Variants in RAB11FIP3 observed in about 807,000 individuals in gnomAD.
The protein encoded by RAB11FIP3 is rab11 family-interacting protein 3.
Under a neutral mutation model 77.8 loss-of-function variants are expected in RAB11FIP3, and 17 were observed. The observed-to-expected ratio is 0.22, with a 90% CI of 0.15 to 0.33. RAB11FIP3 has a LOEUF of 0.33. Among genes scored for constraint, RAB11FIP3 ranks in the 10% least tolerant of loss-of-function variants. The pLI, the probability that RAB11FIP3 is intolerant of heterozygous loss-of-function variation, is 1.00. For missense variants in RAB11FIP3, 1,005 were observed against 1,011.2 expected (o/e 0.99, Z 0.08); for synonymous variants, 437 against 448.2 (o/e 0.98, Z 0.31).
At chr16:475,751 G>A (rs2055892432) in intron 3 of RAB11FIP3, among the ~76,000 whole-genome samples, 1 of 152,182 alleles carries the variant, frequency 6.6e-6, no homozygotes, top group Non-Finnish European at 1.5e-5. Context: ...AGGGGTGGGT[G>A]CAGTCACCGA....
intron 1 of RAB11FIP3, among the ~76,000 whole-genome samples, chr16:455,092 T>C (rs1421490641): frequency 1.3e-5 from 2 of 150,186 alleles, no homozygotes; most frequent in African/African-American, 2.4e-5. Context: ...CTTTTTTTTT[T>C]TTTTCTTGGC....
At chr16:483,033 C>T (rs1029758290) in intron 4 of RAB11FIP3, among the ~76,000 whole-genome samples, 13 of 152,144 alleles carry the variant, frequency 8.5e-5, no homozygotes, top group African/African-American at 2.9e-4. Context: ...GTGAATGTCT[C>T]GGCAGGGTTT....
chr16:458,918 G>C (rs1897229119), intron 1 of RAB11FIP3, among the ~76,000 whole-genome samples: 2 of 152,228 alleles, frequency 1.3e-5, no homozygotes, highest in African/African-American at 4.8e-5. Flanking sequence ...TAGTGAAATG[G>C]TGCACTGGTA....
At chr16:515,576 G>A (rs2032369862) in intron 9 of RAB11FIP3, among the ~76,000 whole-genome samples, 2 of 151,758 alleles carry the variant, frequency 1.3e-5, no homozygotes, top group East Asian at 1.9e-4. Flanking sequence ...GACACGGACC[G>A]GTGTTTGCAT....
intron 1 of RAB11FIP3, among the ~76,000 whole-genome samples, chr16:451,032 C>G (rs1362800393): frequency 6.6e-6 from 1 of 152,074 alleles, no homozygotes; most frequent in African/African-American, 2.4e-5. Context: ...ATTTCCTCAT[C>G]ATGTTTGCTG....
At chr16:487,378 T>C (rs907143498) in intron 4 of RAB11FIP3, among the ~76,000 whole-genome samples, 6 of 152,136 alleles carry the variant, frequency 3.9e-5, no homozygotes, top group Non-Finnish European at 7.4e-5. Flanking sequence ...CGCCTCGGCC[T>C]CCCAAAGTGC....
intron 3 of RAB11FIP3, among the ~76,000 whole-genome samples, chr16:478,440 C>T (rs1404201458): frequency 1.3e-5 from 2 of 152,048 alleles, no homozygotes; most frequent in African/African-American, 4.8e-5. Flanking sequence ...ATCCACCCGC[C>T]TCGGCCTTCC....
In RAB11FIP3 at chr16:426,264, G is replaced by A. The variant is rs2141829764; in HGVS notation, c.258G>A (p.Gly86=). The change falls in exon 1 of 14, where the codon GGG becomes GGA. Residue 86 remains glycine (G), a synonymous_variant. Coordinates refer to ENST00000262305, the MANE Select transcript of RAB11FIP3 (RefSeq NM_014700.4). This position sits in a 1 kb window ranked among gnomAD's most constrained non-coding sequence, Gnocchi z 5.0. ...TGGAGGGAGGCCCGCGAGACCCCGG[G>A]CCGTCCGCCCCGCCGCCGCGCTCCG... ...PGLEGGPRDP[G]PSAPPPRSGP... is the part of the protein sequence containing the mutation. The A allele has an allele frequency of 8.5e-7, 1 of 1,181,100 alleles. No homozygotes were observed. 73.2% of individuals were successfully genotyped at this position (1,181,100 alleles called of 1,614,324 possible).
In RAB11FIP3 at chr16:519,822, G is replaced by C. The variant is rs779677948; in HGVS notation, c.1791G>C (p.Lys597Asn). The change falls in exon 11 of 14, where the codon AAG becomes AAC. Residue 597 changes from lysine to asparagine, a missense_variant. Physicochemically the swap from Lys to Asn is moderately conservative, Grantham distance 94 (BLOSUM62 0). Transcript: ENST00000262305. ...TLRLSEEQEN[K>N]RRMGDRLSHE... ...GGCTCAGTGAAGAGCAGGAGAACAA[G>C]AGGAGAATGGGGGACAGGCTGAGTC... 1 of 1,606,262 alleles carries C rather than the reference G, an allele frequency of 6.2e-7. No individual in the cohort carries two copies. Among genetic ancestry groups the C allele is most frequent in the Non-Finnish European group, 8.5e-7 (1 of 1,176,670 alleles).
At chr16:498,644 G>T (rs907597224) in intron 6 of RAB11FIP3, among the ~76,000 whole-genome samples, 1 of 151,880 alleles carries the variant, frequency 6.6e-6, no homozygotes, top group Non-Finnish European at 1.5e-5. Context: ...TCAGCCTCCC[G>T]AGCAGCTGAG....
chr16:501,448 AG>A (rs2031511785), intron 6 of RAB11FIP3, among the ~76,000 whole-genome samples: 6 of 144,584 alleles, frequency 4.1e-5, no homozygotes, highest in Admixed American at 4.1e-4. Flanking sequence ...TAGGCAAGGA[AG>A]CTCGGAGAGG....
intron 1 of RAB11FIP3, among the ~76,000 whole-genome samples, chr16:458,999 G>T (rs1596222936): frequency 6.6e-6 from 1 of 152,010 alleles, no homozygotes; most frequent in Non-Finnish European, 1.5e-5. Context: ...GATTCTAGAG[G>T]TATTTCTAAG....
intron 9 of RAB11FIP3, among the ~76,000 whole-genome samples, chr16:515,102 G>C (rs564226851): frequency 6.6e-6 from 1 of 152,348 alleles, no homozygotes; most frequent in Admixed American, 6.5e-5. Flanking sequence ...GCGAGAGGCT[G>C]GGGCAAGGAG....
In RAB11FIP3 at chr16:471,606, C is replaced by T. The variant is rs2055810212; in HGVS notation, c.903+217C>T. ...CCTGTCAGCCTGGGCAGGAATCCTC[C>T]CCCAGGGCCTGTCGCCAGCAGAAGT... is the stretch of plus-strand genomic sequence containing the variant. On this transcript the variant is annotated intron_variant, in intron 3 of 13. Coordinates refer to ENST00000262305, the MANE Select transcript of RAB11FIP3 (RefSeq NM_014700.4). The surrounding 1 kb of genome is among the most constrained non-coding windows in gnomAD (Gnocchi z 4.4). 6.6e-6 allele frequency among the ~76,000 whole-genome samples: 1 copy of T among 152,214 alleles called. No individual in the cohort carries two copies. Among genetic ancestry groups the T allele is most frequent in the Non-Finnish European group, 1.5e-5 (1 of 68,036 alleles).
rs527798639 is a variant in RAB11FIP3, at chr16:492,630, G to A, written c.1265+3630G>A. On this transcript the variant is annotated intron_variant, in intron 5 of 13. Coordinates refer to ENST00000262305, the MANE Select transcript of RAB11FIP3 (RefSeq NM_014700.4). ...GTGTTCAGCTAGGGGTTCAAGGCCC[G>A]GCGACGATGGCTCAGCCTGCTTGGG... is the stretch of plus-strand genomic sequence containing the variant. Among the ~76,000 whole-genome samples the A allele has an allele frequency of 1.2e-4, 18 of 151,586 alleles. No individual in the cohort carries two copies. The South Asian group carries it at 1.2e-3, about 10-fold the overall frequency.
At chr16:438,201 A>G (rs2055163850) in intron 1 of RAB11FIP3, among the ~76,000 whole-genome samples, 1 of 148,780 alleles carries the variant, frequency 6.7e-6, no homozygotes, top group South Asian at 2.1e-4. Flanking sequence ...TCCGCCTCTC[A>G]GGTTCAAGCA....
chr16:482,423 C>A, intron 3 of RAB11FIP3, 102 bp from the exon 4 acceptor site: 1 of 1,105,618 alleles, frequency 9.0e-7, no homozygotes, highest in East Asian at 2.4e-5. Context: ...AGACCCCTCC[C>A]TCCACACTGC....
At chr16:450,171 C>T (rs1375630959) in intron 1 of RAB11FIP3, among the ~76,000 whole-genome samples, 2 of 151,950 alleles carry the variant, frequency 1.3e-5, no homozygotes, top group South Asian at 4.2e-4. Context: ...GCACAACAAA[C>T]TTTTTTTCTC....
At chr16:444,543 T>C (rs1567359583) in intron 1 of RAB11FIP3, among the ~76,000 whole-genome samples, 1 of 152,248 alleles carries the variant, frequency 6.6e-6, no homozygotes, top group Non-Finnish European at 1.5e-5. Context: ...TAGAATTTTG[T>C]AGTCCTCTCA....
Sources: gnomAD v4.1 joint callset for allele counts (sites outside exome capture counted in the v4.1 genomes callset) on GRCh38, gnomAD v4.1.1 for gene constraint, Gnocchi (gnomAD v3.1) non-coding constraint, MANE v1.5 for transcripts, NCBI Gene and HGNC (gene_info 2026-07-23, HGNC 2026-07-21) for gene names.